GAB1: variants seen among roughly 807,000 people sequenced by gnomAD.
GAB1 encodes the protein GRB2 associated binding protein 1.
Under a neutral mutation model 66.5 loss-of-function variants are expected in GAB1, and 19 were observed. The ratio of observed to expected loss-of-function variants is 0.29; its 90% CI spans 0.20 to 0.42. GAB1 has a LOEUF of 0.42. GAB1 is among the 10% of genes least tolerant of loss of function. The pLI, the probability that GAB1 is intolerant of heterozygous loss-of-function variation, is 1.00. For synonymous variants in GAB1, 294 were observed against 301.4 expected, an observed-to-expected ratio of 0.98 and a Z score of 0.25; for missense variants, 732 against 858.5, an observed-to-expected ratio of 0.85 and a Z score of 1.84.
At chr4:143,364,297 T>C (rs1192147178) in intron 1 of GAB1, among the ~76,000 whole-genome samples, 2 of 152,226 alleles carry the variant, frequency 1.3e-5, no homozygotes, top group Non-Finnish European at 2.9e-5. Flanking sequence ...TGCATGGGCT[T>C]GTGAAATCTC....
At chr4:143,458,062 G>A (rs1403566152) in intron 6 of GAB1, among the ~76,000 whole-genome samples, 1 of 152,056 alleles carries the variant, frequency 6.6e-6, no homozygotes, top group African/African-American at 2.4e-5. Flanking sequence ...TTTGTGAACT[G>A]TTTGTGATTT....
intron 1 of GAB1, among the ~76,000 whole-genome samples, chr4:143,390,852 A>G (rs999194371): frequency 6.6e-6 from 1 of 152,164 alleles, no homozygotes; most frequent in African/African-American, 2.4e-5. Context: ...GTTCATCTAC[A>G]TAGTCAAAGA....
intron 1 of GAB1, among the ~76,000 whole-genome samples, chr4:143,360,677 G>A (rs1729627872): frequency 6.6e-6 from 1 of 152,124 alleles, no homozygotes; most frequent in Admixed American, 6.5e-5. Context: ...CCTGATGCTT[G>A]TTGTTAATAA....
At chr4:143,349,649 A>G (rs566783569) in intron 1 of GAB1, 2 of 1,477,474 alleles carry the variant, frequency 1.4e-6, no homozygotes, top group African/African-American at 1.4e-5. Flanking sequence ...TTGTTCCCCC[A>G]GTAGCCTCTG....
At chr4:143,351,621 A>G (rs1729230016) in intron 1 of GAB1, among the ~76,000 whole-genome samples, 1 of 152,172 alleles carries the variant, frequency 6.6e-6, no homozygotes, top group South Asian at 2.1e-4. Flanking sequence ...ATCCCTAGTC[A>G]GGGACCACGC....
intron 1 of GAB1, among the ~76,000 whole-genome samples, chr4:143,352,290 C>G (rs975109366): frequency 1.3e-5 from 2 of 152,192 alleles, no homozygotes; most frequent in African/African-American, 4.8e-5. Flanking sequence ...GCAGGTCTGG[C>G]TACTGTAATT....
chr4:143,400,268 A>G (rs985850354), intron 1 of GAB1, among the ~76,000 whole-genome samples: 2 of 152,130 alleles, frequency 1.3e-5, no homozygotes, highest in Admixed American at 6.5e-5. Flanking sequence ...TGTCAGGCAC[A>G]TGTCCAAGTT....
intron 9 of GAB1, among the ~76,000 whole-genome samples, chr4:143,467,356 A>G (rs1022323908): frequency 2.6e-5 from 4 of 152,210 alleles, no homozygotes; most frequent in African/African-American, 9.6e-5. Flanking sequence ...ACGTCTAGAC[A>G]TAGATTCCTT....
intron 6 of GAB1, among the ~76,000 whole-genome samples, chr4:143,444,995 A>G (rs1734433909): frequency 6.6e-6 from 1 of 152,058 alleles, no homozygotes; most frequent in Non-Finnish European, 1.5e-5. Flanking sequence ...TCCACTGTTG[A>G]TGGGCACCTA....
At chr4:143,426,785 G>T (rs554142000) in intron 2 of GAB1, among the ~76,000 whole-genome samples, 2 of 152,294 alleles carry the variant, frequency 1.3e-5, no homozygotes, top group East Asian at 3.9e-4. Flanking sequence ...GTTGTAAAAT[G>T]AGCTAAATAA....
At chr4:143,426,152 A>T in intron 2 of GAB1, 1 of 400,586 alleles carries the variant, frequency 2.5e-6, no homozygotes, top group Non-Finnish European at 4.5e-6. Flanking sequence ...TCTCTAACAG[A>T]ATATTTTTGA....
chr4:143,349,568 G>A, intron 1 of GAB1: 2 of 1,499,590 alleles, frequency 1.3e-6, no homozygotes, highest in South Asian at 1.2e-5. Flanking sequence ...CTGGGTGCAG[G>A]GATGAGGTGC....
chr4:143,451,831 C>G (rs1455613725), intron 6 of GAB1, among the ~76,000 whole-genome samples: 1 of 151,820 alleles, frequency 6.6e-6, no homozygotes, highest in Non-Finnish European at 1.5e-5. Flanking sequence ...ATAAGCGGAA[C>G]TCATACAGCC....
At chr4:143,411,806 C>A (rs1467308605) in intron 1 of GAB1, among the ~76,000 whole-genome samples, 1 of 152,130 alleles carries the variant, frequency 6.6e-6, no homozygotes, top group Admixed American at 6.5e-5. Context: ...ATCCAGAGAA[C>A]CTTTGTATCT....
chr4:143,433,816 G>C, intron 3 of GAB1, 100 bp downstream of exon 3: 1 of 926,390 alleles, frequency 1.1e-6, no homozygotes. Context: ...CGATTTGCAG[G>C]CTTGAAAGAG....
intron 6 of GAB1, among the ~76,000 whole-genome samples, chr4:143,451,053 C>T (rs1182101892): frequency 1.3e-5 from 2 of 152,122 alleles, no homozygotes; most frequent in Non-Finnish European, 2.9e-5. Flanking sequence ...TGAAGAAGCT[C>T]ACCGTCCAGG....
At chr4:143,453,228 A>G (rs1735015292) in intron 6 of GAB1, among the ~76,000 whole-genome samples, 3 of 152,208 alleles carry the variant, frequency 2.0e-5, no homozygotes, top group Non-Finnish European at 4.4e-5. Flanking sequence ...CTGCCCTAAA[A>G]TTAACCTTAA....
chr4:143,416,771 C>T lies in GAB1; in HGVS notation c.367+1000C>T, dbSNP rs541714743. Among the ~76,000 whole-genome samples the T allele has an allele frequency of 3.3e-5, 5 of 152,304 alleles. No homozygotes were observed. In the South Asian group the frequency reaches 1.0e-3, roughly 32 times the overall value. On this transcript the variant is annotated intron_variant, in intron 2 of 9. Transcript: ENST00000262994. ...CCTGGGCGACAGAGCAAGATGCCGT[C>T]TCAAAAAACTATATTAGATTATCCC...
At chr4:143,395,616 C>A in intron 1 of GAB1, 2 of 269,444 alleles carry the variant, frequency 7.4e-6, no homozygotes, top group Non-Finnish European at 1.5e-5. Context: ...AATTAAAGAC[C>A]TTTAGTTGTA....
Sources: allele counts gnomAD v4.1 joint callset (sites outside exome capture counted in the v4.1 genomes callset), GRCh38; gene constraint gnomAD v4.1.1; transcripts MANE v1.5; gene names NCBI Gene and HGNC (gene_info 2026-07-23, HGNC 2026-07-21).